The following FNTA variants were observed in gnomAD, a reference collection of about 807,000 sequenced individuals.
FNTA encodes farnesyltransferase, CAAX box, subunit alpha, also known as protein farnesyltransferase/geranylgeranyltransferase type-1 subunit alpha.
A neutral mutation model predicts 55.2 loss-of-function variants in FNTA; 27 were observed. The observed-to-expected ratio is 0.49, with a 90% CI of 0.36 to 0.67. The LOEUF (loss-of-function observed/expected upper bound fraction) is 0.67, where lower values mean the gene tolerates loss of function less well. Among genes scored for constraint, FNTA ranks in the 30% least tolerant of loss-of-function variants. The pLI is 0.00. For missense variants in FNTA, 422 were observed against 464.7 expected (o/e 0.91, Z 0.85); for synonymous variants, 176 against 170.7 (o/e 1.03, Z -0.24).
At chr8:43,083,500 C>G (rs1431769425) in intron 7 of FNTA, among the ~76,000 whole-genome samples, 1 of 152,120 alleles carries the variant, frequency 6.6e-6, no homozygotes, top group South Asian at 2.1e-4. Context: ...CTCAGGAACA[C>G]AGTAAAGCGG....
At chr8:43,083,889 A>G (rs1286526856) in intron 7 of FNTA, among the ~76,000 whole-genome samples, 3 of 152,208 alleles carry the variant, frequency 2.0e-5, no homozygotes, top group African/African-American at 4.8e-5. Context: ...CCTGGCCAAC[A>G]TGGCAAAACC....
chr8:43,066,992 T>C (rs901533222), intron 3 of FNTA, among the ~76,000 whole-genome samples: 5 of 152,184 alleles, frequency 3.3e-5, no homozygotes, highest in African/African-American at 1.2e-4. Flanking sequence ...ACTTTTTGCT[T>C]TTTGCAGATC....
chr8:43,056,326 T>A lies in FNTA; in HGVS notation c.-21T>A. The stretch of plus-strand genomic sequence containing the variant: ...GAGGGGCGGGGCCTCCGCCACCACC[T>A]CAGCTGCGGACCGAGGCGAGATGGC... On this transcript the variant is annotated 5_prime_UTR_variant, in exon 1 of 9. Coordinates refer to ENST00000302279, the MANE Select transcript of FNTA (RefSeq NM_002027.3). 8 of 1,392,000 alleles carry A rather than the reference T, an allele frequency of 5.7e-6. No individual in the cohort carries two copies. Among genetic ancestry groups the A allele is most frequent in the Non-Finnish European group, 7.4e-6 (8 of 1,082,712 alleles). 86.2% of individuals were successfully genotyped at this position (1,392,000 alleles called of 1,614,324 possible). A position where few individuals can be genotyped will look rare whatever the true frequency, so the allele number is the denominator to read the frequency against.
At chr8:43,062,285 T>A (rs776764377) in intron 2 of FNTA, among the ~76,000 whole-genome samples, 15 of 151,862 alleles carry the variant, frequency 9.9e-5, no homozygotes, top group Non-Finnish European at 4.4e-5. Flanking sequence ...ATTTGGAAGC[T>A]TGGTTTTTTT....
intron 7 of FNTA, among the ~76,000 whole-genome samples, chr8:43,083,693 A>T (rs1160457887): frequency 6.6e-6 from 1 of 152,242 alleles, no homozygotes; most frequent in Non-Finnish European, 1.5e-5. Context: ...CAAAGAGCAC[A>T]AAGTATGGAA....
intron 3 of FNTA, among the ~76,000 whole-genome samples, chr8:43,069,320 AC>A (rs1810732776): frequency 1.3e-5 from 2 of 151,954 alleles, no homozygotes; most frequent in African/African-American, 2.4e-5. Flanking sequence ...AGGTTTCACC[AC>A]GTTGGCAAGG....
At chr8:43,059,366 G>C (rs949111882) in intron 2 of FNTA, among the ~76,000 whole-genome samples, 189 bp downstream of exon 2, 2 of 151,896 alleles carry the variant, frequency 1.3e-5, no homozygotes, top group African/African-American at 4.8e-5. Flanking sequence ...GTTTTATTTT[G>C]CCCAAAGACT....
intron 1 of FNTA, among the ~76,000 whole-genome samples, chr8:43,058,576 C>G (rs1456547372): frequency 6.6e-6 from 1 of 152,074 alleles, no homozygotes; most frequent in Non-Finnish European, 1.5e-5. Flanking sequence ...TTGAGACCAT[C>G]CTGGCCAACA....
At chr8:43,067,619 TTA>T (rs1219267438) in intron 3 of FNTA, among the ~76,000 whole-genome samples, 18 of 152,136 alleles carry the variant, frequency 1.2e-4, no homozygotes, top group Non-Finnish European at 2.1e-4. Flanking sequence ...AGCCAAGGGC[TTA>T]TATTTACATG....
chr8:43,085,058 G>T, intron 8 of FNTA, 102 bp from the exon 9 acceptor site: 2 of 1,170,516 alleles, frequency 1.7e-6, no homozygotes, highest in Middle Eastern at 2.1e-4. Flanking sequence ...TTAATAGTGT[G>T]TCTTCATTTG....
At chr8:43,084,267 T>C (rs1319011332) in intron 7 of FNTA, among the ~76,000 whole-genome samples, 1 of 149,496 alleles carries the variant, frequency 6.7e-6, no homozygotes, top group East Asian at 2.0e-4. Context: ...TTGCCTAGGC[T>C]GGAGGGCAGT....
At chr8:43,077,392 C>A in intron 6 of FNTA, 28 bp downstream of exon 6, 2 of 1,577,518 alleles carry the variant, frequency 1.3e-6, no homozygotes, top group African/African-American at 2.7e-5. Flanking sequence ...CTTGCTCATT[C>A]GTTACAAACA....
intron 1 of FNTA, chr8:43,058,830 C>T: frequency 3.1e-6 from 1 of 321,578 alleles, no homozygotes. Context: ...ACTTATTTTT[C>T]TACTTATAAA....
At chr8:43,065,135 AT>A (rs1361611849) in intron 3 of FNTA, among the ~76,000 whole-genome samples, 2 of 150,934 alleles carry the variant, frequency 1.3e-5, no homozygotes, top group Non-Finnish European at 2.9e-5. Flanking sequence ...TGCCTGGCTT[AT>A]TTTTTTCATT....
At chr8:43,075,355 A>G (rs1810886082) in intron 5 of FNTA, among the ~76,000 whole-genome samples, 1 of 62,806 alleles carries the variant, frequency 1.6e-5, no homozygotes, top group South Asian at 4.7e-4. Flanking sequence ...ATCATAGGAG[A>G]TTCTTACTTT....
chr8:43,071,219 G>C (rs1008174568), intron 4 of FNTA, among the ~76,000 whole-genome samples: 1 of 152,022 alleles, frequency 6.6e-6, no homozygotes, highest in Non-Finnish European at 1.5e-5. Context: ...CCCATTCAAA[G>C]TATATAATTC....
At chr8:43,080,803 C>T (rs1371936896) in intron 6 of FNTA, 2 of 152,180 alleles carry the variant, frequency 1.3e-5, no homozygotes, top group African/African-American at 2.4e-5. Flanking sequence ...GAACATTATT[C>T]GTCTAAAGAT....
At chr8:43,072,462 A>G (rs1810814715) in intron 5 of FNTA, among the ~76,000 whole-genome samples, 155 bp downstream of exon 5, 1 of 152,176 alleles carries the variant, frequency 6.6e-6, no homozygotes, top group African/African-American at 2.4e-5. Context: ...GTGGTGGCTC[A>G]TGTCTGTGAT....
At chr8:43,082,370 C>T (rs145597272) in intron 6 of FNTA, 3 of 152,258 alleles carry the variant, frequency 2.0e-5, no homozygotes, top group African/African-American at 7.2e-5. Flanking sequence ...TATGTAATTT[C>T]CATGCCATTT....
Sources: gnomAD v4.1 joint callset for allele counts (sites outside exome capture counted in the v4.1 genomes callset) on GRCh38, gnomAD v4.1.1 for gene constraint, MANE v1.5 for transcripts, NCBI Gene and HGNC (gene_info 2026-07-23, HGNC 2026-07-21) for gene names.